The following DPP10 variants were observed in gnomAD, a reference collection of about 807,000 sequenced individuals.
DPP10 encodes inactive dipeptidyl peptidase 10.
In DPP10, 33 loss-of-function variants were observed where a neutral mutation model predicts 120.9. The ratio of observed to expected loss-of-function variants is 0.27; its 90% CI spans 0.21 to 0.37. The LOEUF (loss-of-function observed/expected upper bound fraction) is 0.37. DPP10 is among the 10% of genes least tolerant of loss of function. DPP10 has a pLI of 1.00. For missense variants in DPP10, 816 were observed against 942.8 expected, an observed-to-expected ratio of 0.87 and a Z score of 1.76; for synonymous variants, 337 against 326.1, an observed-to-expected ratio of 1.03 and a Z score of -0.36.
chr2:115,253,237 G>A (rs549383902), intron 1 of DPP10, among the ~76,000 whole-genome samples: 1 of 152,078 alleles, frequency 6.6e-6, no homozygotes, highest in Non-Finnish European at 1.5e-5. Context: ...AAACCATGAG[G>A]GAGCCTTCCC....
intron 1 of DPP10, among the ~76,000 whole-genome samples, chr2:115,292,956 C>T (rs892904379): frequency 6.6e-6 from 1 of 152,056 alleles, no homozygotes. Context: ...TGGCTGCCCA[C>T]GTTTCTCATA....
At chr2:114,572,582 T>C (rs1360445832) in intron 1 of DPP10, among the ~76,000 whole-genome samples, 3 of 152,152 alleles carry the variant, frequency 2.0e-5, no homozygotes, top group Non-Finnish European at 2.9e-5. Context: ...CCAGCTCCCG[T>C]GACATGTGCT....
intron 1 of DPP10, among the ~76,000 whole-genome samples, chr2:114,571,841 ATAT>A (rs1689673557): frequency 1.3e-5 from 2 of 148,678 alleles, no homozygotes; most frequent in African/African-American, 4.9e-5. Context: ...GTAGTATATA[ATAT>A]TTATACTACA....
intron 1 of DPP10, among the ~76,000 whole-genome samples, chr2:115,212,481 T>C (rs1177544904): frequency 1.3e-5 from 2 of 152,152 alleles, no homozygotes; most frequent in Non-Finnish European, 2.9e-5. Context: ...TTGTGGAGCA[T>C]ACATCTGAAA....
chr2:114,988,112 C>T (rs1167298147), intron 1 of DPP10, among the ~76,000 whole-genome samples: 1 of 152,090 alleles, frequency 6.6e-6, no homozygotes, highest in African/African-American at 2.4e-5. Flanking sequence ...CCGCCGGAGA[C>T]TGAGTCTTGT....
chr2:114,990,823 T>C (rs1264480813), intron 1 of DPP10, among the ~76,000 whole-genome samples: 1 of 152,166 alleles, frequency 6.6e-6, no homozygotes, highest in African/African-American at 2.4e-5. Flanking sequence ...CAATAATGCA[T>C]TGAACTTGCT....
chr2:114,542,140 CG>C (rs1687012072), intron 1 of DPP10, among the ~76,000 whole-genome samples: 1 of 150,772 alleles, frequency 6.6e-6, no homozygotes, highest in African/African-American at 2.4e-5. Flanking sequence ...CTCCACTTCC[CG>C]GGTTCCAGTG....
At chr2:115,535,446 G>T (rs899285288) in intron 5 of DPP10, among the ~76,000 whole-genome samples, 15 of 151,884 alleles carry the variant, frequency 9.9e-5, no homozygotes, top group African/African-American at 3.6e-4. Flanking sequence ...TATTTCTGAG[G>T]GCTCTGTTCT....
intron 1 of DPP10, among the ~76,000 whole-genome samples, chr2:114,566,441 G>A (rs1472022689): frequency 1.3e-5 from 2 of 152,136 alleles, no homozygotes; most frequent in Non-Finnish European, 2.9e-5. Flanking sequence ...CATGCTCCTC[G>A]ACATCTTCTT....
chr2:115,492,402 G>C (rs955925612), intron 3 of DPP10, among the ~76,000 whole-genome samples: 1 of 152,152 alleles, frequency 6.6e-6, no homozygotes, highest in Non-Finnish European at 1.5e-5. Flanking sequence ...GTCTTGATTA[G>C]AGTTGGGCAT....
intron 1 of DPP10, among the ~76,000 whole-genome samples, chr2:114,699,255 A>G (rs1349891043): frequency 6.6e-6 from 1 of 152,146 alleles, no homozygotes; most frequent in African/African-American, 2.4e-5. Flanking sequence ...ATGCGTTTGT[A>G]TAAATATACA....
At chr2:114,557,436 G>A (rs541090055) in intron 1 of DPP10, among the ~76,000 whole-genome samples, 1 of 152,310 alleles carries the variant, frequency 6.6e-6, no homozygotes, top group Admixed American at 6.5e-5. Context: ...GATTGAAAGA[G>A]AAGTGGAGAC....
intron 1 of DPP10, among the ~76,000 whole-genome samples, chr2:114,670,723 T>A (rs1573933430): frequency 6.6e-6 from 1 of 152,130 alleles, no homozygotes; most frequent in East Asian, 1.9e-4. Flanking sequence ...AAAATCTACA[T>A]ATGCCAACAT....
intron 5 of DPP10, among the ~76,000 whole-genome samples, chr2:115,668,350 G>A (rs1383061752): frequency 6.6e-6 from 1 of 152,014 alleles, no homozygotes; most frequent in Non-Finnish European, 1.5e-5. Context: ...TTGAGAAAGT[G>A]TGCTCTTGAT....
intron 10 of DPP10, among the ~76,000 whole-genome samples, chr2:115,749,364 C>G (rs180858224): frequency 6.6e-6 from 1 of 152,252 alleles, no homozygotes; most frequent in Non-Finnish European, 1.5e-5. Flanking sequence ...TTGGTTTCTT[C>G]TTACTCTATG....
At chr2:114,747,382 T>C (rs1351906429) in intron 1 of DPP10, among the ~76,000 whole-genome samples, 1 of 152,202 alleles carries the variant, frequency 6.6e-6, no homozygotes, top group Non-Finnish European at 1.5e-5. Context: ...AAAGGATTTT[T>C]AGACACAAAT....
At chr2:115,754,104 C>G (rs1006615631) in intron 11 of DPP10, among the ~76,000 whole-genome samples, 2 of 152,064 alleles carry the variant, frequency 1.3e-5, no homozygotes, top group African/African-American at 4.8e-5. Context: ...CAAAATCAAC[C>G]TTGCTATGAC....
intron 3 of DPP10, among the ~76,000 whole-genome samples, chr2:115,390,985 A>T (rs752889672): frequency 2.6e-5 from 4 of 152,102 alleles, no homozygotes; most frequent in Non-Finnish European, 5.9e-5. Context: ...ACTGACAGAG[A>T]TCCTAGTATT....
intron 1 of DPP10, among the ~76,000 whole-genome samples, chr2:114,502,931 G>A (rs1000093208): frequency 3.3e-5 from 5 of 152,080 alleles, no homozygotes; most frequent in African/African-American, 4.8e-5. Flanking sequence ...GACATGCCAA[G>A]GCCCTTGCCA....
Sources: allele counts gnomAD v4.1 joint callset (sites outside exome capture counted in the v4.1 genomes callset), GRCh38; gene constraint gnomAD v4.1.1; transcripts MANE v1.5; gene names NCBI Gene and HGNC (gene_info 2026-07-23, HGNC 2026-07-21).